MYO16: variants seen among roughly 807,000 people sequenced by gnomAD.
MYO16 encodes the protein unconventional myosin-XVI.
In MYO16, 94 loss-of-function variants were observed where a neutral mutation model predicts 205.3. The ratio of observed to expected loss-of-function variants is 0.46; its 90% CI spans 0.39 to 0.54. MYO16 has a LOEUF of 0.54. Ranked by LOEUF, MYO16 falls within the 20% of genes least tolerant of loss-of-function variation. The probability of loss-of-function intolerance (pLI) is 0.00; values close to 1 mark genes in which losing one functional copy is unlikely to be tolerated. For synonymous variants in MYO16, 988 were observed against 954.0 expected (o/e 1.04, Z -0.66); for missense variants, 2,315 against 2,387.5 (o/e 0.97, Z 0.63).
chr13:108,784,247 C>A (rs1460945457), intron 4 of MYO16, among the ~76,000 whole-genome samples: 2 of 151,482 alleles, frequency 1.3e-5, no homozygotes, highest in Middle Eastern at 3.2e-3. Context: ...TTTTTTCAAA[C>A]TCTGAATAAT....
In MYO16 at chr13:108,684,741, A is replaced by G. The variant is rs1470158806; in HGVS notation, c.292+18592A>G. On this transcript the variant is annotated intron_variant, in intron 2 of 34. Coordinates refer to ENST00000457511, the MANE Select transcript of MYO16 (RefSeq NM_001198950.3). ...TTGGATGTTGAGTTAATAAGCGAAC[A>G]TGCCTATGTAACGAAGACTCCATAA... is the stretch of plus-strand genomic sequence containing the variant. Among the ~76,000 whole-genome samples the G allele has an allele frequency of 3.9e-5, 6 of 152,228 alleles. No individual in the cohort carries two copies. In the East Asian group the frequency reaches 1.2e-3, roughly 30 times the overall value.
At chr13:108,787,767 A>G (rs1399316039) in intron 5 of MYO16, among the ~76,000 whole-genome samples, 1 of 152,224 alleles carries the variant, frequency 6.6e-6, no homozygotes, top group Non-Finnish European at 1.5e-5. Context: ...AACAAACTCA[A>G]TTTAATATCT....
intron 27 of MYO16, among the ~76,000 whole-genome samples, chr13:109,058,477 G>C (rs957761428): frequency 6.6e-6 from 1 of 152,042 alleles, no homozygotes; most frequent in African/African-American, 2.4e-5. Flanking sequence ...TAAAGTTTTT[G>C]GTTTCCCGCT....
chr13:108,500,349 C>T, the MYO16 span, among the ~76,000 whole-genome samples: 1 of 150,410 alleles, frequency 6.6e-6, no homozygotes, highest in African/African-American at 2.4e-5. Flanking sequence ...CCTGCCTCAG[C>T]CTCCCGAGTA....
intron 11 of MYO16, among the ~76,000 whole-genome samples, chr13:108,858,944 G>T: frequency 6.6e-6 from 1 of 152,236 alleles, no homozygotes; most frequent in Admixed American, 6.5e-5. Flanking sequence ...TCGGTGCAGG[G>T]CTTTGCCTGA....
intron 10 of MYO16, among the ~76,000 whole-genome samples, chr13:108,853,417 A>G (rs1188689312): frequency 2.0e-5 from 3 of 152,214 alleles, no homozygotes; most frequent in Non-Finnish European, 4.4e-5. Context: ...CCAACATTAA[A>G]TAACTAATTT....
intron 22 of MYO16, among the ~76,000 whole-genome samples, chr13:109,018,653 G>T (rs1885915629): frequency 6.6e-6 from 1 of 152,144 alleles, no homozygotes; most frequent in Non-Finnish European, 1.5e-5. Flanking sequence ...CTCCTGGTGT[G>T]CCATTTGCTA....
intron 21 of MYO16, among the ~76,000 whole-genome samples, chr13:108,997,338 AAG>A (rs869174444): frequency 3.2e-3 from 18 of 5,550 alleles, no homozygotes; most frequent in African/African-American, 0.011. Flanking sequence ...GAAAGAAAGA[AAG>A]AGAGAGAGAG....
At chr13:108,704,316 C>G (rs1177747247) in intron 2 of MYO16, among the ~76,000 whole-genome samples, 1 of 152,042 alleles carries the variant, frequency 6.6e-6, no homozygotes, top group Non-Finnish European at 1.5e-5. Context: ...TAAGGTATAA[C>G]TAAAGCAGTT....
intron 1 of MYO16, among the ~76,000 whole-genome samples, chr13:108,602,373 G>C (rs981719050): frequency 2.6e-5 from 4 of 152,010 alleles, no homozygotes; most frequent in Non-Finnish European, 5.9e-5. Flanking sequence ...CTTAACTCTT[G>C]CCTCTCTGAT....
At chr13:108,891,275 A>G (rs1317875933) in intron 14 of MYO16, among the ~76,000 whole-genome samples, 2 of 152,124 alleles carry the variant, frequency 1.3e-5, no homozygotes, top group African/African-American at 4.8e-5. Flanking sequence ...ATTTTCTTCA[A>G]TTTGTCTTAC....
At chr13:108,656,767 C>T (rs1881263574) in intron 1 of MYO16, among the ~76,000 whole-genome samples, 1 of 152,132 alleles carries the variant, frequency 6.6e-6, no homozygotes, top group African/African-American at 2.4e-5. Context: ...CATTCATGCC[C>T]ATAATAGATT....
intron 16 of MYO16, among the ~76,000 whole-genome samples, chr13:108,948,410 G>A (rs532953300): frequency 1.8e-4 from 27 of 152,336 alleles, no homozygotes; most frequent in Non-Finnish European, 3.1e-4. Context: ...TTGTCTTTAA[G>A]TAGTAACATT....
At chr13:109,153,019 A>G (rs538396931) in intron 32 of MYO16, among the ~76,000 whole-genome samples, 2 of 152,280 alleles carry the variant, frequency 1.3e-5, no homozygotes, top group South Asian at 4.1e-4. Context: ...GAAAACTCCG[A>G]CGCATCCAGG....
At chr13:108,855,240 A>G in intron 10 of MYO16, 1 of 404,248 alleles carries the variant, frequency 2.5e-6, no homozygotes, top group South Asian at 5.8e-5. Context: ...ATAGCACAAA[A>G]ATTCTCATCT....
At position 109,127,859 on chromosome 13, in the gene MYO16, T is replaced by TAAAAAAAA. The variant is rs34317737; in HGVS notation, c.4051+321_4051+328dup. Among the ~76,000 whole-genome samples the TAAAAAAAA allele has an allele frequency of 2.1e-4, 28 of 132,636 alleles. 1 individual carries two copies. The highest frequency in any genetic ancestry group is 7.1e-4 in the African/African-American group (25 of 35,420). The allele number at this position is 132,636 out of a possible 152,430, so 87.0% of individuals were successfully genotyped here. ...ATGTAAAGGTTCACCAATGAGAAAG[T>TAAAAAAAA]AAAAAAAAAAAAAAAAAAACTGCTT... On this transcript the variant is annotated intron_variant, in intron 31 of 34. Transcript: ENST00000457511. This position sits in a 1 kb window ranked among gnomAD's most constrained non-coding sequence, Gnocchi z 4.2.
chr13:108,969,706 A>C (rs1484439102), intron 20 of MYO16, among the ~76,000 whole-genome samples: 1 of 152,228 alleles, frequency 6.6e-6, no homozygotes, highest in Non-Finnish European at 1.5e-5. Context: ...GGCAAACAGC[A>C]CCATTGTAGG....
chr13:108,828,303 C>T (rs1448994436), intron 9 of MYO16, among the ~76,000 whole-genome samples: 1 of 152,114 alleles, frequency 6.6e-6, no homozygotes, highest in Non-Finnish European at 1.5e-5. Flanking sequence ...CCTGAACTCC[C>T]TCTCTGAGTG....
rs1383249599 is a variant in MYO16 at position 108,820,374 on chromosome 13, A to AC, written c.908dup (p.His304ThrfsTer6). 6.2e-7 allele frequency: 1 copy of AC among 1,607,138 alleles called. No individual in the cohort carries two copies. The highest frequency in any genetic ancestry group is 8.5e-7 in the Non-Finnish European group (1 of 1,176,482). On this transcript the variant is annotated frameshift_variant, in exon 8 of 35. Transcript: ENST00000457511. LOFTEE classifies it high-confidence loss of function. ...AAACTTCTCCTGATGCATCAGGCAA[A>AC]CCCACACCTCGTGAACTGTAATGAG...
Sources: allele counts gnomAD v4.1 joint callset (sites outside exome capture counted in the v4.1 genomes callset), GRCh38; gene constraint gnomAD v4.1.1; non-coding constraint Gnocchi (gnomAD v3.1); transcripts MANE v1.5; gene names NCBI Gene and HGNC (gene_info 2026-07-23, HGNC 2026-07-21).